Variants in TOX4 observed in about 807,000 individuals in gnomAD.
TOX4 encodes epidermal Langerhans cell protein LCP1.
TOX4 carries 12 observed loss-of-function variants against 61.0 expected under a neutral mutation model. The observed-to-expected ratio is 0.20, with a 90% CI of 0.13 to 0.32. TOX4 has a LOEUF of 0.32. Ranked by LOEUF, TOX4 falls within the 10% of genes least tolerant of loss-of-function variation. The pLI is 1.00. For missense variants in TOX4, 499 were observed against 753.3 expected, an observed-to-expected ratio of 0.66 and a Z score of 3.95; for synonymous variants, 268 against 274.8, an observed-to-expected ratio of 0.98 and a Z score of 0.24.
At chr14:21,478,800 CT>C (rs537554535) in intron 2 of TOX4, among the ~76,000 whole-genome samples, 125 of 151,058 alleles carry the variant, frequency 8.3e-4, no homozygotes, top group Non-Finnish European at 9.6e-4. Flanking sequence ...GCTAGTTTAA[CT>C]TTTTTTTTCT....
rs1181570439 is a variant in TOX4, at chr14:21,497,854, G to A, written c.*1248G>A. The A allele has an allele frequency of 1.3e-5, 2 of 157,198 alleles. No individual in the cohort carries two copies. Among genetic ancestry groups the A allele is most frequent in the African/African-American group, 4.8e-5 (2 of 41,328 alleles). 9.7% of individuals were successfully genotyped at this position (157,198 alleles called of 1,614,324 possible). On this transcript the variant is annotated 3_prime_UTR_variant, in exon 9 of 9. Coordinates refer to ENST00000448790, the MANE Select transcript of TOX4 (RefSeq NM_014828.4). The stretch of plus-strand genomic sequence containing the variant: ...CATTCCTGTTTTTTTAATGGTTTTG[G>A]AGGGTAGCAGTAGAGATGGGGTCTC...
At chr14:21,478,959 A>C (rs1273767329) in intron 2 of TOX4, among the ~76,000 whole-genome samples, 3 of 124,364 alleles carry the variant, frequency 2.4e-5, no homozygotes, top group Non-Finnish European at 3.3e-5. Context: ...GTGCGCCACC[A>C]CACCCAGCTA....
In TOX4 at chr14:21,493,155, A is replaced by C; in HGVS notation, c.1539A>C (p.Glu513Asp). Residue 513 changes from glutamate to aspartate, a missense_variant, in exon 7 of 9, where the codon GAA becomes GAC. Physicochemically the swap from Glu to Asp is conservative, Grantham distance 45. Transcript: ENST00000448790. ...CTACCTTAGTCCCACCAACTGTGGA[A>C]AGTAGTCCTGAGCGGCCTATGAACA... ...MQTTLVPPTV[E>D]SSPERPMNNS... 1 of 1,614,196 alleles carries C rather than the reference A, an allele frequency of 6.2e-7. No individual in the cohort carries two copies. The highest frequency in any genetic ancestry group is 1.1e-5 in the South Asian group (1 of 91,092).
In TOX4 at chr14:21,498,873, A is replaced by G. The variant is rs1891480931; in HGVS notation, c.*2267A>G. Reference sequence around the variant, plus strand: ...TTCTAATGAATATTTGTAGAATCTCATAAAACAGTTTAAATACAAGCTTAA... The same window carrying G: ...TTCTAATGAATATTTGTAGAATCTCGTAAAACAGTTTAAATACAAGCTTAA... On this transcript the variant is annotated 3_prime_UTR_variant, in exon 9 of 9. Coordinates refer to ENST00000448790, the MANE Select transcript of TOX4 (RefSeq NM_014828.4). 3 of 616,572 alleles carry G rather than the reference A, an allele frequency of 4.9e-6. No individual in the cohort carries two copies. The Admixed American group carries it at 8.7e-5, about 18-fold the overall frequency. 38.2% of individuals were successfully genotyped at this position (616,572 alleles called of 1,614,324 possible). A position where few individuals can be genotyped will look rare whatever the true frequency, so the allele number is the denominator to read the frequency against.
Position 21,499,054 on chromosome 14 carries a change from A to T in TOX4, c.*2448A>T. 6.2e-7 allele frequency: 1 copy of T among 1,614,192 alleles called. No individual in the cohort carries two copies. Among genetic ancestry groups the T allele is most frequent in the Non-Finnish European group, 8.5e-7 (1 of 1,180,014 alleles). ...TGGGTTGCACATTGTGTGGTCGTCCAAATAACTCAATCTTGCGAGTGCCAG... is the reference window on the plus strand; with the variant it reads ...TGGGTTGCACATTGTGTGGTCGTCCTAATAACTCAATCTTGCGAGTGCCAG... On this transcript the variant is annotated 3_prime_UTR_variant, in exon 9 of 9. Coordinates refer to ENST00000448790, the MANE Select transcript of TOX4 (RefSeq NM_014828.4).
Position 21,487,431 on chromosome 14 carries a change from CCCCCTTTTTT to C in TOX4, c.76-14_76-5del. 1 of 1,609,456 alleles carries C rather than the reference CCCCCTTTTTT, an allele frequency of 6.2e-7. No individual in the cohort carries two copies. On this transcript the variant is annotated splice_polypyrimidine_tract_variant and intron_variant, in intron 2 of 8. Transcript: ENST00000448790. Reference sequence around the variant, plus strand: ...TTCTCCTCTTTTCACTAATTCTTTTCCCCCTTTTTTCCCCTACAGACATTCCATACACCAA... The same window carrying C: ...TTCTCCTCTTTTCACTAATTCTTTTCCCCCTACAGACATTCCATACACCAA...
chr14:21,499,083 A>T lies in TOX4; in HGVS notation c.*2477A>T, dbSNP rs1891488070. 6.2e-7 allele frequency: 1 copy of T among 1,614,024 alleles called. No homozygotes were observed. The highest frequency in any genetic ancestry group is 1.3e-5 in the African/African-American group (1 of 74,914). On this transcript the variant is annotated 3_prime_UTR_variant, in exon 9 of 9. Coordinates refer to ENST00000448790, the MANE Select transcript of TOX4 (RefSeq NM_014828.4). ...AACTCAATCTTGCGAGTGCCAGGAG[A>T]TAGTCTTTCAATCATGCCATAGATT...
In TOX4 at chr14:21,497,931, C is replaced by T. The variant is rs1891446546; in HGVS notation, c.*1325C>T. 1 of 224,196 alleles carries T rather than the reference C, an allele frequency of 4.5e-6. No homozygotes were observed. The highest frequency in any genetic ancestry group is 7.0e-5 in the South Asian group (1 of 14,234). 13.9% of individuals were successfully genotyped at this position (224,196 alleles called of 1,614,324 possible). On this transcript the variant is annotated 3_prime_UTR_variant, in exon 9 of 9. Coordinates refer to ENST00000448790, the MANE Select transcript of TOX4 (RefSeq NM_014828.4). ...CTCCTGGGCTACAGTTACCCTCCTA[C>T]CTCGGCTTCCCAAAGTGCTCGGATT... is the stretch of plus-strand genomic sequence containing the variant.
intron 2 of TOX4, among the ~76,000 whole-genome samples, chr14:21,484,351 TTTTTTTTTTTTTTTTG>T (rs1891161969): frequency 1.7e-5 from 2 of 119,208 alleles, no homozygotes; most frequent in South Asian, 3.2e-4. Flanking sequence ...TTTTTTTTTT[TTTTTTTTTTTTTTTTG>T]AGACAGAGTC....
chr14:21,493,443 T>TG (rs1368247318), intron 7 of TOX4, among the ~76,000 whole-genome samples, 186 bp downstream of exon 7: 10 of 152,150 alleles, frequency 6.6e-5, no homozygotes, highest in African/African-American at 2.2e-4. Context: ...ACTGTTTTTT[T>TG]TTTGTTTGTT....
chr14:21,477,944 T>C (rs1347999801), intron 2 of TOX4, among the ~76,000 whole-genome samples: 1 of 152,160 alleles, frequency 6.6e-6, no homozygotes, highest in African/African-American at 2.4e-5. Flanking sequence ...TTATTGGTTT[T>C]CTTTTGTTTT....
intron 5 of TOX4, among the ~76,000 whole-genome samples, chr14:21,491,768 T>G (rs767144199): frequency 1.1e-4 from 16 of 151,364 alleles, no homozygotes; most frequent in Non-Finnish European, 1.9e-4. Context: ...TCCCAGCACT[T>G]TGGGAGGCAG....
chr14:21,489,107 G>T (rs1477690699), intron 4 of TOX4, 66 bp from the exon 5 acceptor site: 2 of 1,510,322 alleles, frequency 1.3e-6, no homozygotes, highest in Non-Finnish European at 1.8e-6. Context: ...CATACATGTG[G>T]CTAGTTTCCA....
intron 1 of TOX4, 76 bp downstream of exon 1, chr14:21,477,360 G>A: frequency 6.2e-7 from 1 of 1,613,546 alleles, no homozygotes; most frequent in Non-Finnish European, 8.5e-7. Context: ...GAAGCCGGGC[G>A]GAGAGGCGAC....
chr14:21,481,188 T>A (rs943049226), intron 2 of TOX4, among the ~76,000 whole-genome samples: 3 of 151,498 alleles, frequency 2.0e-5, no homozygotes, highest in Non-Finnish European at 4.4e-5. Flanking sequence ...TGTGGATAAC[T>A]TTTTTTTTGA....
At chr14:21,483,810 GTGT>G (rs1891150039) in intron 2 of TOX4, among the ~76,000 whole-genome samples, 1 of 152,020 alleles carries the variant, frequency 6.6e-6, no homozygotes, top group Non-Finnish European at 1.5e-5. Flanking sequence ...ATTTGTGTGT[GTGT>G]GTGTGCGCGT....
Position 21,492,361 on chromosome 14 carries a change from C to A in TOX4, c.876C>A (p.Asp292Glu). 6.2e-7 allele frequency: 1 copy of A among 1,613,772 alleles called. No individual in the cohort carries two copies. Among genetic ancestry groups the A allele is most frequent in the African/African-American group, 1.3e-5 (1 of 74,920 alleles). ...EYLKALAAYK[D>E]NQECQATVET... is the part of the protein sequence containing the mutation. ...TGAAGGCACTGGCTGCTTACAAAGACAACCAGGAGTGTCAGGTAAGAGGGA... is the reference window on the plus strand; with the variant it reads ...TGAAGGCACTGGCTGCTTACAAAGAAAACCAGGAGTGTCAGGTAAGAGGGA... Residue 292 changes from aspartate (D) to glutamate (E), a missense_variant, in exon 6 of 9, where the codon GAC becomes GAA. Transcript: ENST00000448790.
chr14:21,494,575 G>A (rs1470418412), intron 7 of TOX4, among the ~76,000 whole-genome samples: 6 of 152,002 alleles, frequency 3.9e-5, no homozygotes, highest in African/African-American at 9.7e-5. Context: ...GTGAAAACCC[G>A]TCTCTACTAA....
At chr14:21,490,560 A>G (rs1200242173) in intron 5 of TOX4, among the ~76,000 whole-genome samples, 2 of 152,324 alleles carry the variant, frequency 1.3e-5, no homozygotes, top group East Asian at 3.9e-4. Context: ...TTTAAGGTGG[A>G]AACTGGAGCC....
Sources: allele counts gnomAD v4.1 joint callset (sites outside exome capture counted in the v4.1 genomes callset), GRCh38; gene constraint gnomAD v4.1.1; transcripts MANE v1.5; gene names NCBI Gene and HGNC (gene_info 2026-07-23, HGNC 2026-07-21).